DACH2: variants seen among roughly 807,000 people sequenced by gnomAD.
DACH2 encodes the protein dachshund homolog 2.
A neutral mutation model predicts 35.8 loss-of-function variants in DACH2; 17 were observed. The observed-to-expected ratio is 0.48, with a 90% CI of 0.33 to 0.71. The LOEUF is 0.71. DACH2 is among the 30% of genes least tolerant of loss of function. The probability of loss-of-function intolerance (pLI) is 0.02; values close to 1 mark genes in which losing one functional copy is unlikely to be tolerated. For missense variants in DACH2, 469 were observed against 472.7 expected, an observed-to-expected ratio of 0.99 and a Z score of 0.07; for synonymous variants, 195 against 177.3, an observed-to-expected ratio of 1.10 and a Z score of -0.79.
intron 2 of DACH2, among the ~76,000 whole-genome samples, chrX:86,493,243 A>G (rs745848510): frequency 9.0e-6 from 1 of 111,726 alleles, no homozygotes; most frequent in East Asian, 2.8e-4. Flanking sequence ...ATAAGAAAAA[A>G]GTGAATATAA....
chrX:86,386,590 C>A (rs1602463578), intron 2 of DACH2, among the ~76,000 whole-genome samples: 2 of 111,330 alleles, frequency 1.8e-5, no homozygotes. Flanking sequence ...GCATAGACTT[C>A]TAGGTGTTTA....
chrX:86,738,055 C>A (rs757775573), intron 6 of DACH2, among the ~76,000 whole-genome samples: 3 of 111,636 alleles, frequency 2.7e-5, no homozygotes, highest in South Asian at 3.8e-4. Context: ...TCCCTCTGAC[C>A]CTTCTTTTCT....
At chrX:86,805,181 T>G (rs919700356) in intron 7 of DACH2, among the ~76,000 whole-genome samples, 8 of 112,587 alleles carry the variant, frequency 7.1e-5, no homozygotes, top group Non-Finnish European at 1.5e-4. Flanking sequence ...TCTCTAAAAT[T>G]TAGGCACAGG....
At chrX:86,197,502 T>C (rs925486433) in intron 1 of DACH2, among the ~76,000 whole-genome samples, 5 of 111,256 alleles carry the variant, frequency 4.5e-5, no homozygotes, top group African/African-American at 1.6e-4. Context: ...TGGTATGCTG[T>C]CTTCAAGAAA....
At chrX:86,455,356 G>A (rs2037456063) in intron 2 of DACH2, among the ~76,000 whole-genome samples, 1 of 111,224 alleles carries the variant, frequency 9.0e-6, no homozygotes, top group Admixed American at 9.5e-5. Context: ...TGGACCATTT[G>A]GACTCTTCCA....
intron 2 of DACH2, among the ~76,000 whole-genome samples, chrX:86,460,309 G>A (rs187848175): frequency 1.7e-3 from 192 of 110,862 alleles, no homozygotes; most frequent in African/African-American, 5.9e-3. Flanking sequence ...ATTTCAAAAT[G>A]TTATGTGTAA....
chrX:86,366,729 G>A (rs2035812012), intron 1 of DACH2, among the ~76,000 whole-genome samples: 2 of 110,422 alleles, frequency 1.8e-5, no homozygotes, highest in Non-Finnish European at 3.8e-5. Flanking sequence ...GAATGGTGTG[G>A]TGCCCTACTT....
chrX:86,783,653 T>A (rs970710120), intron 7 of DACH2, among the ~76,000 whole-genome samples: 7 of 112,012 alleles, frequency 6.2e-5, no homozygotes, highest in African/African-American at 2.3e-4. Flanking sequence ...TTAAGTGAAA[T>A]AAGTCAGACA....
intron 11 of DACH2, among the ~76,000 whole-genome samples, chrX:86,824,810 G>A: frequency 8.9e-6 from 1 of 112,016 alleles, no homozygotes; most frequent in South Asian, 3.7e-4. Context: ...TCTCAATAGA[G>A]AGAACTAATA....
chrX:86,293,878 T>C (rs1351970362), intron 1 of DACH2, among the ~76,000 whole-genome samples: 2 of 111,118 alleles, frequency 1.8e-5, no homozygotes, highest in Non-Finnish European at 3.8e-5. Context: ...ATTTCAACTT[T>C]GGTGAATCTG....
Position 86,757,780 on chromosome X carries a change from A to G in DACH2, c.1240+17898A>G, listed in dbSNP as rs536417055. 2.1e-4 allele frequency among the ~76,000 whole-genome samples: 23 copies of G among 111,930 alleles called. No individual in the cohort carries two copies. The South Asian group carries it at 8.2e-3, about 40-fold the overall frequency. ...TGCTGCTTCCTCTTAGCCTTCCACC[A>G]TGATTGTAAGTTTCCTGAGCCCTGC... On this transcript the variant is annotated intron_variant, in intron 7 of 11. Transcript: ENST00000373125.
intron 3 of DACH2, among the ~76,000 whole-genome samples, chrX:86,621,213 A>AT (rs1275902194): frequency 9.0e-6 from 1 of 111,371 alleles, no homozygotes; most frequent in Non-Finnish European, 1.9e-5. Flanking sequence ...TCTAGTTCTA[A>AT]TTTTTTTCAA....
chrX:86,730,207 G>A (rs1412516842), intron 6 of DACH2, among the ~76,000 whole-genome samples: 4 of 110,848 alleles, frequency 3.6e-5, no homozygotes, highest in Non-Finnish European at 7.6e-5. Flanking sequence ...TGAATAATAG[G>A]ATTATATGAT....
At chrX:86,601,728 T>C (rs1027335907) in intron 3 of DACH2, among the ~76,000 whole-genome samples, 8 of 112,486 alleles carry the variant, frequency 7.1e-5, no homozygotes, top group Admixed American at 6.6e-4. Context: ...TCATTATATG[T>C]TTATAGCAGA....
At chrX:86,604,423 A>G (rs1175616217) in intron 3 of DACH2, among the ~76,000 whole-genome samples, 1 of 111,773 alleles carries the variant, frequency 8.9e-6, no homozygotes, top group Non-Finnish European at 1.9e-5. Context: ...CCTCTCTTTG[A>G]TGCTCTGCTA....
At chrX:86,820,437 T>TTGA (rs1355727613) in intron 11 of DACH2, among the ~76,000 whole-genome samples, 1 of 110,771 alleles carries the variant, frequency 9.0e-6, no homozygotes, top group East Asian at 2.8e-4. Context: ...AAACCAAAAT[T>TTGA]TGATGTAAAA....
chrX:86,460,015 A>T (rs921015955), intron 2 of DACH2, among the ~76,000 whole-genome samples: 1 of 111,085 alleles, frequency 9.0e-6, no homozygotes, highest in Non-Finnish European at 1.9e-5. Context: ...TATATTAACA[A>T]CAAAGAATTT....
Position 86,639,527 on chromosome X carries a change from C to G in DACH2, c.641-11509C>G, listed in dbSNP as rs191651693. 5.7e-3 allele frequency among the ~76,000 whole-genome samples: 631 copies of G among 111,566 alleles called. 3 individuals carry two copies. Among genetic ancestry groups the G allele is most frequent in the African/African-American group, 0.02 (609 of 30,676 alleles). On this transcript the variant is annotated intron_variant, in intron 3 of 11. Coordinates refer to ENST00000373125, the MANE Select transcript of DACH2 (RefSeq NM_053281.3). ...TGGAGGTTAGACTATGGTACATACC[C>G]CTAGGAAAGAGGCTGAATCCAGGGG...
intron 7 of DACH2, among the ~76,000 whole-genome samples, chrX:86,741,965 T>A (rs1569476755): frequency 9.0e-6 from 1 of 110,772 alleles, no homozygotes; most frequent in East Asian, 2.8e-4. Context: ...CTACTAAAGG[T>A]GCCCATAATA....
Sources: gnomAD v4.1 joint callset for allele counts (sites outside exome capture counted in the v4.1 genomes callset) on GRCh38, gnomAD v4.1.1 for gene constraint, MANE v1.5 for transcripts, NCBI Gene and HGNC (gene_info 2026-07-23, HGNC 2026-07-21) for gene names.